RELN: variants seen among roughly 807,000 people sequenced by gnomAD.
RELN encodes the protein reelin.
RELN carries 108 observed loss-of-function variants against 427.6 expected under a neutral mutation model. The observed-to-expected ratio is 0.25, with a 90% CI of 0.22 to 0.30. The LOEUF (loss-of-function observed/expected upper bound fraction) is 0.30, where lower values mean the gene tolerates loss of function less well. RELN is among the 10% of genes least tolerant of loss of function. The probability of loss-of-function intolerance (pLI) is 1.00; values close to 1 mark genes in which losing one functional copy is unlikely to be tolerated. For missense variants in RELN, 3,715 were observed against 4,302.8 expected (o/e 0.86, Z 3.82); for synonymous variants, 1,524 against 1,513.4 (o/e 1.01, Z -0.16).
intron 3 of RELN, among the ~76,000 whole-genome samples, chr7:103,823,639 C>T (rs1296780001): frequency 6.6e-6 from 1 of 151,938 alleles, no homozygotes; most frequent in Non-Finnish European, 1.5e-5. Flanking sequence ...TTATATGTTG[C>T]CTTTAAATTC....
At chr7:103,520,974 T>TTTTA (rs1829693007) in intron 48 of RELN, among the ~76,000 whole-genome samples, 1 of 120,696 alleles carries the variant, frequency 8.3e-6, no homozygotes, top group African/African-American at 3.4e-5. Context: ...TTTTTTTTTT[T>TTTTA]TTTTTTTTTT....
intron 63 of RELN, 154 bp downstream of exon 63, chr7:103,482,719 C>CTA (rs1828285320): frequency 1.3e-6 from 2 of 1,491,262 alleles, no homozygotes; most frequent in East Asian, 4.9e-5. Context: ...ATGATTTGAG[C>CTA]TATAGCTTGC....
intron 2 of RELN, among the ~76,000 whole-genome samples, chr7:103,908,342 A>G (rs574095990): frequency 1.5e-4 from 23 of 152,304 alleles, no homozygotes; most frequent in Non-Finnish European, 3.1e-4. Context: ...TTTTGAGCAT[A>G]TAATATATAC....
At chr7:103,665,548 C>T (rs1025032026) in intron 11 of RELN, among the ~76,000 whole-genome samples, 2 of 151,996 alleles carry the variant, frequency 1.3e-5, no homozygotes, top group Non-Finnish European at 2.9e-5. Context: ...ACTTGGATCT[C>T]GACAAGAATC....
At chr7:103,524,539 ATGCC>A (rs77200827) in intron 46 of RELN, among the ~76,000 whole-genome samples, 70,278 of 151,610 alleles carry the variant, frequency 0.46, 20,276 homozygotes, top group Non-Finnish European at 0.64. Context: ...AATCCAAGCA[ATGCC>A]TGAGGCTCAA....
At chr7:103,976,386 T>C (rs1796879909) in intron 1 of RELN, among the ~76,000 whole-genome samples, 1 of 150,100 alleles carries the variant, frequency 6.7e-6, no homozygotes, top group South Asian at 2.1e-4. Context: ...CAGACTAGAA[T>C]GAAAGTGAGC....
At chr7:103,535,706 G>A (rs1207648557) in intron 45 of RELN, among the ~76,000 whole-genome samples, 1 of 105,884 alleles carries the variant, frequency 9.4e-6, no homozygotes, top group Non-Finnish European at 2.1e-5. Flanking sequence ...ACTTTTAAGG[G>A]GATATGATCA....
At chr7:103,949,569 C>A (rs1563107104) in intron 1 of RELN, among the ~76,000 whole-genome samples, 1 of 150,350 alleles carries the variant, frequency 6.7e-6, no homozygotes, top group East Asian at 2.0e-4. Context: ...GACACCAGAG[C>A]TGCCAGCACC....
intron 46 of RELN, among the ~76,000 whole-genome samples, chr7:103,525,051 A>C (rs944447829): frequency 6.6e-6 from 1 of 152,022 alleles, no homozygotes; most frequent in African/African-American, 2.4e-5. Flanking sequence ...CTCAGGCGCC[A>C]AAGCACACCA....
intron 16 of RELN, among the ~76,000 whole-genome samples, chr7:103,644,234 C>A (rs1234358016): frequency 1.3e-5 from 2 of 151,700 alleles, no homozygotes; most frequent in African/African-American, 4.8e-5. Flanking sequence ...CATACTAATT[C>A]TGTAAAATGG....
chr7:103,702,222 T>G (rs1282849491), intron 8 of RELN, among the ~76,000 whole-genome samples: 1 of 152,226 alleles, frequency 6.6e-6, no homozygotes, highest in African/African-American at 2.4e-5. Flanking sequence ...TATCAAACTG[T>G]GCGACTGGAA....
chr7:103,522,013 A>G lies in RELN; in HGVS notation c.7668+9T>C. The G allele has an allele frequency of 1.2e-6, 2 of 1,614,008 alleles. No homozygotes were observed. The highest frequency in any genetic ancestry group is 1.7e-6 in the Non-Finnish European group (2 of 1,179,924). On this transcript the variant is annotated intron_variant, in intron 48 of 64. Coordinates refer to ENST00000428762, the MANE Select transcript of RELN (RefSeq NM_005045.4). ...AGCAGAAATGAGTAACCAGCAGCCA[A>G]ACACTCACCCCACTGAAATGGAGAG...
At chr7:103,519,195 C>T (rs1829642802) in intron 49 of RELN, 128 bp downstream of exon 49, 1 of 730,524 alleles carries the variant, frequency 1.4e-6, no homozygotes, top group Non-Finnish European at 2.4e-6. Flanking sequence ...AACCCTTCTT[C>T]ATTTCAGTCT....
At chr7:103,630,860 G>GTTTTT (rs1224190919) in intron 19 of RELN, among the ~76,000 whole-genome samples, 13 of 134,486 alleles carry the variant, frequency 9.7e-5, no homozygotes, top group African/African-American at 1.7e-4. Context: ...TGTTTTTTTT[G>GTTTTT]TTTTTTTTTT....
At chr7:103,586,376 T>C (rs1831271169) in intron 28 of RELN, among the ~76,000 whole-genome samples, 2 of 151,090 alleles carry the variant, frequency 1.3e-5, no homozygotes, top group African/African-American at 4.9e-5. Flanking sequence ...AAAATAAAAA[T>C]AAAAATAAAA....
intron 13 of RELN, among the ~76,000 whole-genome samples, chr7:103,653,641 G>C (rs1018089707): frequency 6.6e-6 from 1 of 151,940 alleles, no homozygotes; most frequent in Non-Finnish European, 1.5e-5. Context: ...TATGCAAAGG[G>C]TAAAGAAAAA....
chr7:103,551,940 T>G (rs935620432), intron 40 of RELN, among the ~76,000 whole-genome samples: 31 of 146,348 alleles, frequency 2.1e-4, no homozygotes, highest in African/African-American at 3.6e-4. Flanking sequence ...TGTGTGTGGG[T>G]GTGTGTGTGT....
intron 2 of RELN, among the ~76,000 whole-genome samples, chr7:103,893,084 T>C (rs2116596903): frequency 6.6e-6 from 1 of 152,230 alleles, no homozygotes; most frequent in East Asian, 1.9e-4. Context: ...AAAAATACAT[T>C]GCACAGACAG....
intron 2 of RELN, among the ~76,000 whole-genome samples, chr7:103,852,305 CAAAG>C (rs1220181678): frequency 6.6e-6 from 1 of 151,738 alleles, no homozygotes; most frequent in African/African-American, 2.4e-5. Flanking sequence ...TTACAACAGT[CAAAG>C]AAAAACTGTA....
Sources: gnomAD v4.1 joint callset for allele counts (sites outside exome capture counted in the v4.1 genomes callset) on GRCh38, gnomAD v4.1.1 for gene constraint, MANE v1.5 for transcripts, NCBI Gene and HGNC (gene_info 2026-07-23, HGNC 2026-07-21) for gene names.